The following PKIG variants were observed in gnomAD, a reference collection of about 807,000 sequenced individuals.
PKIG encodes the protein protein kinase (cAMP-dependent, catalytic) inhibitor gamma.
Under a neutral mutation model 6.8 loss-of-function variants are expected in PKIG, and 1 was observed. The ratio of observed to expected loss-of-function variants is 0.15; its 90% CI spans 0.05 to 0.69. The LOEUF (loss-of-function observed/expected upper bound fraction) is 0.69, where lower values mean the gene tolerates loss of function less well. Among genes scored for constraint, PKIG ranks in the 30% least tolerant of loss-of-function variants. The probability of loss-of-function intolerance (pLI) is 0.82; values close to 1 mark genes in which losing one functional copy is unlikely to be tolerated. For missense variants in PKIG, 77 were observed against 104.0 expected (o/e 0.74, Z 1.13); for synonymous variants, 39 against 43.0 (o/e 0.91, Z 0.36).
chr20:44,596,033 C>A (rs1345434303), intron 2 of PKIG, among the ~76,000 whole-genome samples: 1 of 151,904 alleles, frequency 6.6e-6, no homozygotes, highest in African/African-American at 2.4e-5. Flanking sequence ...TGGTCAGGAG[C>A]CAGGAATCAG....
At chr20:44,572,180 G>A (rs946459309) in intron 1 of PKIG, among the ~76,000 whole-genome samples, 1 of 152,026 alleles carries the variant, frequency 6.6e-6, no homozygotes, top group African/African-American at 2.4e-5. Context: ...ATTTTTTTGT[G>A]TTTTTAGTAG....
chr20:44,598,859 C>T (rs543121106), intron 2 of PKIG: 103 of 152,228 alleles, frequency 6.8e-4, no homozygotes, highest in African/African-American at 2.4e-3. Context: ...GTAGTAACAC[C>T]GCCCTGCCAG....
chr20:44,588,175 T>C (rs1161061362), intron 1 of PKIG, among the ~76,000 whole-genome samples: 1 of 152,222 alleles, frequency 6.6e-6, no homozygotes, highest in Non-Finnish European at 1.5e-5. Context: ...GTTGAGAACC[T>C]AATATCCGCC....
At position 44,601,762 on chromosome 20, in the gene PKIG, C is replaced by T. The variant is rs76258245; in HGVS notation, c.-24+11896C>T. Among the ~76,000 whole-genome samples, 1,066 of 152,128 alleles carry T rather than the reference C, an allele frequency of 7.0e-3. 15 individuals carry two copies. The highest frequency in any genetic ancestry group is 0.024 in the African/African-American group (1,002 of 41,464). The stretch of plus-strand genomic sequence containing the variant: ...GCTTTTTGTATGGTTTCTGCAAATA[C>T]TGAATTTTTGAAAAAGAAAAAAAAA... On this transcript the variant is annotated intron_variant, in intron 2 of 3. Coordinates refer to ENST00000372886, the MANE Select transcript of PKIG (RefSeq NM_001281445.2).
intron 1 of PKIG, among the ~76,000 whole-genome samples, chr20:44,577,140 C>T (rs530228140): frequency 2.0e-5 from 3 of 151,642 alleles, no homozygotes; most frequent in African/African-American, 7.3e-5. Flanking sequence ...GACAGATTAT[C>T]ATTCTGTCAC....
intron 2 of PKIG, among the ~76,000 whole-genome samples, chr20:44,609,182 A>G (rs2123458759): frequency 6.6e-6 from 1 of 152,250 alleles, no homozygotes; most frequent in South Asian, 2.1e-4. Context: ...CTGTTCCCTG[A>G]GGGGATATGG....
intron 1 of PKIG, among the ~76,000 whole-genome samples, chr20:44,572,519 T>G (rs1232475656): frequency 6.6e-6 from 1 of 151,932 alleles, no homozygotes; most frequent in Non-Finnish European, 1.5e-5. Context: ...TTCAGCAACT[T>G]AAATAAAACA....
intron 1 of PKIG, among the ~76,000 whole-genome samples, chr20:44,533,296 CT>C (rs1182411491): frequency 6.6e-5 from 10 of 152,170 alleles, no homozygotes; most frequent in Admixed American, 1.3e-4. Flanking sequence ...TCCCAAGCAG[CT>C]GGGACTGCAG....
intron 1 of PKIG, among the ~76,000 whole-genome samples, chr20:44,557,867 T>C (rs1269651012): frequency 6.6e-6 from 1 of 151,808 alleles, no homozygotes; most frequent in Non-Finnish European, 1.5e-5. Flanking sequence ...GTGGAGTATA[T>C]GGTACAAACA....
chr20:44,550,248 G>A (rs909334862), intron 1 of PKIG, among the ~76,000 whole-genome samples: 1 of 151,070 alleles, frequency 6.6e-6, no homozygotes, highest in African/African-American at 2.4e-5. Flanking sequence ...TGAATTAAAA[G>A]ATAAAAATGA....
intron 2 of PKIG, among the ~76,000 whole-genome samples, chr20:44,610,494 T>TCACACACACACACA (rs2065207007): frequency 8.8e-6 from 1 of 113,508 alleles, no homozygotes; most frequent in Admixed American, 9.1e-5. Flanking sequence ...CTTCTCTCTC[T>TCACACACACACACA]CTCTCTCACA....
intron 3 of PKIG, 118 bp from the exon 4 acceptor site, chr20:44,618,167 C>G: frequency 1.8e-6 from 1 of 550,540 alleles, no homozygotes. Context: ...AGCTCCAGCT[C>G]GTCTTGCTCC....
In PKIG at chr20:44,588,785, G is replaced by A. The variant is rs933447220; in HGVS notation, c.-93-1012G>A. ...TCTGTATTCAGTTTCCTTTCTATTG[G>A]AGAATATTCTTGGGGTCTGTGAATG... On this transcript the variant is annotated intron_variant, in intron 1 of 3. Coordinates refer to ENST00000372886, the MANE Select transcript of PKIG (RefSeq NM_001281445.2). Among the ~76,000 whole-genome samples the A allele has an allele frequency of 3.3e-5, 5 of 152,240 alleles. No individual in the cohort carries two copies. The South Asian group carries it at 1.0e-3, about 32-fold the overall frequency.
At chr20:44,591,498 T>G (rs1333207325) in intron 2 of PKIG, among the ~76,000 whole-genome samples, 1 of 151,846 alleles carries the variant, frequency 6.6e-6, no homozygotes, top group Admixed American at 6.6e-5. Context: ...TCTCATCACC[T>G]CTCTTCTTAG....
Position 44,582,642 on chromosome 20 carries a change from G to A in PKIG, c.-183G>A, listed in dbSNP as rs2064958224. ...AGTGAGAATCCTGCCCGCACCACAG[G>A]TCTGGACTGCTAACCTTGAATCCTG... On this transcript the variant is annotated 5_prime_UTR_variant, in exon 1 of 4. Transcript: ENST00000372886. 6.6e-6 allele frequency: 1 copy of A among 152,338 alleles called. No homozygotes were observed. Among genetic ancestry groups the A allele is most frequent in the African/African-American group, 2.4e-5 (1 of 41,416 alleles). The allele number at this position is 152,338 out of a possible 1,614,324, so 9.4% of individuals were successfully genotyped here. A position where few individuals can be genotyped will look rare whatever the true frequency, so the allele number is the denominator to read the frequency against.
At chr20:44,604,197 T>C (rs1444544272) in intron 2 of PKIG, among the ~76,000 whole-genome samples, 1 of 152,182 alleles carries the variant, frequency 6.6e-6, no homozygotes, top group Non-Finnish European at 1.5e-5. Context: ...ACCTGGGTAA[T>C]TGAGCTTTAA....
chr20:44,578,614 C>T (rs1421828734), upstream of PKIG, among the ~76,000 whole-genome samples: 1 of 152,154 alleles, frequency 6.6e-6, no homozygotes. Flanking sequence ...TCTACCATGT[C>T]TAAAAGCTTC....
At chr20:44,578,802 T>C (rs1415912495), upstream of PKIG, among the ~76,000 whole-genome samples, 1 of 152,226 alleles carries the variant, frequency 6.6e-6, no homozygotes, top group Non-Finnish European at 1.5e-5. Context: ...GATTTTCTCA[T>C]GTGTCAAGCA....
At chr20:44,560,249 C>CTAAATAAATAAA (rs56359005) in intron 1 of PKIG, among the ~76,000 whole-genome samples, 38 of 149,276 alleles carry the variant, frequency 2.5e-4, no homozygotes, top group African/African-American at 6.4e-4. Flanking sequence ...GACCTTGTCT[C>CTAAATAAATAAA]TAAATAAATA....
Sources: gnomAD v4.1 joint callset for allele counts (sites outside exome capture counted in the v4.1 genomes callset) on GRCh38, gnomAD v4.1.1 for gene constraint, MANE v1.5 for transcripts, NCBI Gene and HGNC (gene_info 2026-07-23, HGNC 2026-07-21) for gene names.